EXOC7: variants seen among roughly 807,000 people sequenced by gnomAD.
EXOC7 encodes the protein exocyst complex component Exo70.
In EXOC7, 51 loss-of-function variants were observed where a neutral mutation model predicts 87.6. The observed-to-expected ratio is 0.58, with a 90% CI of 0.46 to 0.73. EXOC7 has a LOEUF of 0.73. EXOC7 is among the 30% of genes least tolerant of loss of function. The pLI is 0.00. For missense variants in EXOC7, 744 were observed against 888.4 expected (o/e 0.84, Z 2.07); for synonymous variants, 327 against 357.1 (o/e 0.92, Z 0.95).
In EXOC7 at chr17:76,083,304, G is replaced by A; in HGVS notation, c.*344C>T. 1 of 262,196 alleles carries A rather than the reference G, an allele frequency of 3.8e-6. No homozygotes were observed. The highest frequency in any genetic ancestry group is 5.1e-5 in the South Asian group (1 of 19,528). The allele number at this position is 262,196 out of a possible 1,614,324, so 16.2% of individuals were successfully genotyped here. A position where few individuals can be genotyped will look rare whatever the true frequency, so the allele number is the denominator to read the frequency against. ...CACCTCTGACCTAGGCTGGAGGGAG[G>A]GCCCTTCTGCCCTGCTGCTCTTGGT... On this transcript the variant is annotated 3_prime_UTR_variant, in exon 19 of 19. Coordinates refer to ENST00000589210, the MANE Select transcript of EXOC7 (RefSeq NM_001013839.4).
At chr17:76,086,246 C>T (rs2067207182) in intron 12 of EXOC7, 101 bp from the exon 13 acceptor site, 1 of 1,160,262 alleles carries the variant, frequency 8.6e-7, no homozygotes, top group African/African-American at 1.5e-5. Flanking sequence ...CTGAGACAGG[C>T]CCTGGGCTTC....
In EXOC7 at chr17:76,089,159, C is replaced by T. The variant is rs367834629; in HGVS notation, c.1047+16G>A. On this transcript the variant is annotated intron_variant, in intron 8 of 18. Transcript: ENST00000589210. ...TTGCTGGGGCTGGCTGCAGAGCCCCCGGGGCGGGGCGGGACCTGTATCAGG... is the reference window on the plus strand; with the variant it reads ...TTGCTGGGGCTGGCTGCAGAGCCCCTGGGGCGGGGCGGGACCTGTATCAGG... 17 of 1,611,422 alleles carry T rather than the reference C, an allele frequency of 1.1e-5. No individual in the cohort carries two copies. The highest frequency in any genetic ancestry group is 3.3e-5 in the South Asian group (3 of 91,018).
At chr17:76,103,148 C>T (rs2068156649) in intron 2 of EXOC7, 2 of 583,468 alleles carry the variant, frequency 3.4e-6, no homozygotes, top group Non-Finnish European at 6.1e-6. Flanking sequence ...AAGTCCAGGC[C>T]AGTGGGAAGT....
chr17:76,085,295 GGCGGGCCCA>G lies in EXOC7; in HGVS notation c.1712+10_1712+18del, dbSNP rs1251517456. On this transcript the variant is annotated intron_variant, in intron 15 of 18. Coordinates refer to ENST00000589210, the MANE Select transcript of EXOC7 (RefSeq NM_001013839.4). ...GGCACAGGGGCCCATGCAGGAGCAG[GGCGGGCCCA>G]GCCTCTCACCTGCGCTGGTAGGTCT... 2 of 1,575,020 alleles carry G rather than the reference GGCGGGCCCA, an allele frequency of 1.3e-6. No individual in the cohort carries two copies. The highest frequency in any genetic ancestry group is 1.7e-6 in the Non-Finnish European group (2 of 1,160,276).
In EXOC7 at chr17:76,088,484, C is replaced by T. The variant is rs902543401; in HGVS notation, c.1279G>A (p.Asp427Asn). 2.5e-6 allele frequency: 4 copies of T among 1,613,992 alleles called. No individual in the cohort carries two copies. In the African/African-American group the frequency reaches 4.0e-5, roughly 16 times the overall value. The change falls in exon 10 of 19, where the codon GAC becomes AAC. Residue 427 changes from aspartate (D) to asparagine (N), a missense_variant. Physicochemically the swap from Asp to Asn is conservative, Grantham distance 23. This residue lies in a region of EXOC7 where 512 missense variants were observed against 573.0 expected (regional missense o/e 0.89). Coordinates refer to ENST00000589210, the MANE Select transcript of EXOC7 (RefSeq NM_001013839.4). ...METIGAKALE[D>N]FADNIKNDPD... is the part of the protein sequence containing the mutation. The stretch of plus-strand genomic sequence containing the variant: ...GGGACCTTGATGTTGTCTGCGAAGT[C>T]CTCCAGCGCTTTGGCACCGATGGTC...
intron 15 of EXOC7, 58 bp downstream of exon 15, chr17:76,085,256 G>A (rs1048350372): frequency 1.5e-4 from 201 of 1,371,050 alleles, no homozygotes; most frequent in Middle Eastern, 2.1e-4. Context: ...TGCTGAGAAG[G>A]AAGAGTGCGT....
At position 76,094,732 on chromosome 17, in the gene EXOC7, C is replaced by A; in HGVS notation, c.641-151G>T. 6.1e-6 allele frequency: 4 copies of A among 654,694 alleles called. No homozygotes were observed. The South Asian group carries it at 6.7e-5, about 11-fold the overall frequency. The allele number at this position is 654,694 out of a possible 1,614,324, so 40.6% of individuals were successfully genotyped here. The stretch of plus-strand genomic sequence containing the variant: ...CACCCATATCTTGTCCCAAATCAGG[C>A]AAAGTCTTTCAAAGTCTTTTTTTTT... On this transcript the variant is annotated intron_variant, in intron 5 of 18. Coordinates refer to ENST00000589210, the MANE Select transcript of EXOC7 (RefSeq NM_001013839.4).
intron 5 of EXOC7, among the ~76,000 whole-genome samples, chr17:76,096,225 G>A (rs999441244): frequency 6.6e-6 from 1 of 152,136 alleles, no homozygotes; most frequent in Admixed American, 6.6e-5. Flanking sequence ...GCTAAAAAGT[G>A]CAACATTGCC....
Position 76,081,313 on chromosome 17 carries a change from G to A in EXOC7, c.*2335C>T, listed in dbSNP as rs781468254. 15 of 1,613,988 alleles carry A rather than the reference G, an allele frequency of 9.3e-6. No homozygotes were observed. The highest frequency in any genetic ancestry group is 3.3e-5 in the Admixed American group (2 of 60,006). Reference sequence around the variant, plus strand: ...AGAGTTCCAGGCCCACGTGGTGAACGAGATTGTGAGTGTCAAGAGGGAATA... The same window carrying A: ...AGAGTTCCAGGCCCACGTGGTGAACAAGATTGTGAGTGTCAAGAGGGAATA... On this transcript the variant is annotated 3_prime_UTR_variant, in exon 19 of 19. Transcript: ENST00000589210.
At chr17:76,090,794 G>A (rs559273372) in intron 7 of EXOC7, 48 of 508,792 alleles carry the variant, frequency 9.4e-5, no homozygotes, top group African/African-American at 8.4e-4. Flanking sequence ...TGGGAAGGCC[G>A]GGAGGCCTCG....
chr17:76,083,054 C>T lies in EXOC7; in HGVS notation c.*594G>A, dbSNP rs1272929199. The T allele has an allele frequency of 6.7e-5, 12 of 178,448 alleles. No homozygotes were observed. Among genetic ancestry groups the T allele is most frequent in the South Asian group, 3.0e-4 (2 of 6,746 alleles). The allele number at this position is 178,448 out of a possible 1,614,324, so 11.1% of individuals were successfully genotyped here. A position where few individuals can be genotyped will look rare whatever the true frequency, so the allele number is the denominator to read the frequency against. ...GGTGGGGCGGAACTCCTCCTCCGAA[C>T]GCCTCCTGCAGTGTGCTGGACTCTA... On this transcript the variant is annotated 3_prime_UTR_variant, in exon 19 of 19. Transcript: ENST00000589210.
At position 76,085,386 on chromosome 17, in the gene EXOC7, G is replaced by A; in HGVS notation, c.1640C>T (p.Ala547Val). ...LEKSELIQLV[A>V]VTQKTAERSY... ...GCGCTCAGCAGTCTTCTGTGTCACTGCCACCAGCTGGATCAGTTCAGACCT... is the reference window on the plus strand; with the variant it reads ...GCGCTCAGCAGTCTTCTGTGTCACTACCACCAGCTGGATCAGTTCAGACCT... The change falls in exon 15 of 19, where the codon GCA (alanine) becomes GTA (valine). Residue 547 changes from alanine (A) to valine (V), a missense_variant. Coordinates refer to ENST00000589210, the MANE Select transcript of EXOC7 (RefSeq NM_001013839.4). The A allele has an allele frequency of 6.2e-7, 1 of 1,610,390 alleles. No homozygotes were observed. The highest frequency in any genetic ancestry group is 1.1e-5 in the South Asian group (1 of 90,450).
Position 76,088,462 on chromosome 17 carries a change from A to G in EXOC7, c.1299+2T>C. ...AGGGAGAAAGGGGAGGACAGCAGGG[A>G]CCTTGATGTTGTCTGCGAAGTCCTC... On this transcript the variant is annotated splice_donor_variant, in intron 10 of 18. Coordinates refer to ENST00000589210, the MANE Select transcript of EXOC7 (RefSeq NM_001013839.4). LOFTEE classifies it high-confidence loss of function. 1 of 1,613,226 alleles carries G rather than the reference A, an allele frequency of 6.2e-7. No homozygotes were observed. Among genetic ancestry groups the G allele is most frequent in the Non-Finnish European group, 8.5e-7 (1 of 1,179,472 alleles).
At chr17:76,091,583 G>A (rs913285385) in intron 6 of EXOC7, 15 of 212,638 alleles carry the variant, frequency 7.1e-5, no homozygotes, top group African/African-American at 3.3e-4. Context: ...GGAGGAGCCC[G>A]TGACAAAGCT....
rs759525329 is a variant in EXOC7, at chr17:76,082,412, T to C, written c.*1236A>G. 3.3e-6 allele frequency: 5 copies of C among 1,522,522 alleles called. No homozygotes were observed. In the South Asian group the frequency reaches 6.4e-5, roughly 19 times the overall value. The allele number at this position is 1,522,522 out of a possible 1,614,324, so 94.3% of individuals were successfully genotyped here. On this transcript the variant is annotated 3_prime_UTR_variant, in exon 19 of 19. Coordinates refer to ENST00000589210, the MANE Select transcript of EXOC7 (RefSeq NM_001013839.4). ...CCCCTGGGGTTCGCTCTTCCGCTCA[T>C]GTTGAGGGGACCTTGAAGAACAGCT...
chr17:76,084,219 G>A (rs1201784933), intron 17 of EXOC7, 29 bp downstream of exon 17: 1 of 1,607,074 alleles, frequency 6.2e-7, no homozygotes, highest in Non-Finnish European at 8.5e-7. Context: ...GCAGCAGCAA[G>A]CAGTGGAGGG....
chr17:76,092,759 G>T, intron 6 of EXOC7: 1 of 152,294 alleles, frequency 6.6e-6, no homozygotes, highest in South Asian at 2.1e-4. Flanking sequence ...GTGGGTCGCC[G>T]ATGTGGATCT....
chr17:76,087,747 G>A, intron 11 of EXOC7, 27 bp from the exon 12 acceptor site: 3 of 1,550,140 alleles, frequency 1.9e-6, no homozygotes, highest in South Asian at 2.4e-5. Flanking sequence ...CGGTGCAGAA[G>A]GGCAAGTGGC....
intron 12 of EXOC7, 110 bp from the exon 13 acceptor site, chr17:76,086,255 T>A: frequency 9.2e-7 from 1 of 1,087,556 alleles, no homozygotes; most frequent in Admixed American, 2.0e-5. Context: ...GCCCTGGGCT[T>A]CCTTGGGCAG....
Sources: gnomAD v4.1 joint callset for allele counts (sites outside exome capture counted in the v4.1 genomes callset) on GRCh38, gnomAD v4.1.1 for gene constraint, gnomAD v4.1.1 regional missense constraint, MANE v1.5 for transcripts, NCBI Gene and HGNC (gene_info 2026-07-23, HGNC 2026-07-21) for gene names.